LYZL4: variants seen among roughly 807,000 people sequenced by gnomAD.
LYZL4 encodes the protein lysozyme like 4.
A neutral mutation model predicts 17.6 loss-of-function variants in LYZL4; 13 were observed. That is an observed-to-expected ratio of 0.74 (90% CI 0.48 to 1.18). The LOEUF (loss-of-function observed/expected upper bound fraction) is 1.18. Ranked by LOEUF, LYZL4 falls within the 50% of genes most tolerant of loss-of-function variation. LYZL4 has a pLI of 0.00. For synonymous variants in LYZL4, 64 were observed against 67.7 expected (o/e 0.95, Z 0.27); for missense variants, 174 against 188.2 (o/e 0.92, Z 0.44).
At chr3:42,364,525 A>G in the LYZL4 span, among the ~76,000 whole-genome samples, 1 of 151,366 alleles carries the variant, frequency 6.6e-6, no homozygotes, top group African/African-American at 2.4e-5. Flanking sequence ...TTGTATTTTT[A>G]GTAGAGACGG....
the LYZL4 span, among the ~76,000 whole-genome samples, chr3:42,385,303 A>G: frequency 6.6e-6 from 1 of 152,188 alleles, no homozygotes; most frequent in African/African-American, 2.4e-5. Context: ...TAAGATTACA[A>G]TACCATATTT....
chr3:42,376,797 T>C, the LYZL4 span, among the ~76,000 whole-genome samples: 2 of 152,192 alleles, frequency 1.3e-5, no homozygotes, highest in Non-Finnish European at 2.9e-5. Context: ...GAATCCGGTT[T>C]CAAGGTCCCC....
chr3:42,373,579 G>T, the LYZL4 span, among the ~76,000 whole-genome samples: 1 of 152,144 alleles, frequency 6.6e-6, no homozygotes, highest in Non-Finnish European at 1.5e-5. Flanking sequence ...GTCCTTGGGG[G>T]AGAACCTTAA....
At chr3:42,401,096 T>C (rs1221682732) in intron 4 of LYZL4, among the ~76,000 whole-genome samples, 1 of 151,982 alleles carries the variant, frequency 6.6e-6, no homozygotes, top group Non-Finnish European at 1.5e-5. Context: ...ATTTAGCAAA[T>C]ACTGAATATG....
At chr3:42,401,391 T>G (rs1405640195) in intron 4 of LYZL4, among the ~76,000 whole-genome samples, 1 of 152,002 alleles carries the variant, frequency 6.6e-6, no homozygotes, top group Non-Finnish European at 1.5e-5. Flanking sequence ...TTGCATTTTT[T>G]TTTTAGTAGA....
At chr3:42,378,076 A>G in the LYZL4 span, among the ~76,000 whole-genome samples, 2 of 152,226 alleles carry the variant, frequency 1.3e-5, no homozygotes, top group African/African-American at 4.8e-5. Flanking sequence ...GGGCTCATCC[A>G]CACAGGATTC....
At chr3:42,373,474 A>G in the LYZL4 span, among the ~76,000 whole-genome samples, 1 of 152,058 alleles carries the variant, frequency 6.6e-6, no homozygotes. Context: ...AAGGGTTACT[A>G]TTTCACACAC....
chr3:42,363,761 A>G, the LYZL4 span, among the ~76,000 whole-genome samples: 2 of 152,198 alleles, frequency 1.3e-5, no homozygotes, highest in Non-Finnish European at 2.9e-5. Context: ...CAGCACTATG[A>G]AAATGGTTGA....
chr3:42,374,473 C>G, the LYZL4 span, among the ~76,000 whole-genome samples: 9,640 of 152,258 alleles, frequency 0.063, 962 homozygotes, highest in African/African-American at 0.21. Context: ...GTACTTTTCA[C>G]CCAGCTTTGG....
At chr3:42,364,622 G>A in the LYZL4 span, among the ~76,000 whole-genome samples, 1 of 152,028 alleles carries the variant, frequency 6.6e-6, no homozygotes, top group African/African-American at 2.4e-5. Flanking sequence ...TGGGATTACA[G>A]GCATGAGCCA....
Position 42,397,264 on chromosome 3 carries a change from G to A in LYZL4, c.*1C>T, listed in dbSNP as rs932049585. On this transcript the variant is annotated 3_prime_UTR_variant, in exon 5 of 5. Coordinates refer to ENST00000287748, the MANE Select transcript of LYZL4 (RefSeq NM_144634.4). ...GAGTGCTGCAGGGGCCATGCAGGTG[G>A]CTACAGCTTGCAACCATCCAGCCAC... The A allele has an allele frequency of 6.4e-7, 1 of 1,561,208 alleles. No homozygotes were observed. Among genetic ancestry groups the A allele is most frequent in the Non-Finnish European group, 8.7e-7 (1 of 1,151,812 alleles).
chr3:42,368,254 G>A, the LYZL4 span, among the ~76,000 whole-genome samples: 100 of 152,252 alleles, frequency 6.6e-4, no homozygotes, highest in East Asian at 0.014. Flanking sequence ...AATAGCTATC[G>A]GTCACAGATT....
the LYZL4 span, among the ~76,000 whole-genome samples, chr3:42,391,846 G>A: frequency 1.3e-5 from 2 of 151,784 alleles, no homozygotes; most frequent in South Asian, 2.1e-4. Flanking sequence ...CAGGGAGGGA[G>A]AAAGTGATAG....
chr3:42,386,288 G>C, the LYZL4 span, among the ~76,000 whole-genome samples: 1 of 151,634 alleles, frequency 6.6e-6, no homozygotes, highest in Non-Finnish European at 1.5e-5. Context: ...TTTTTAGTAG[G>C]GGCGGGGTTT....
At position 42,404,045 on chromosome 3, in the gene LYZL4, C is replaced by A. The variant is rs374260482; in HGVS notation, c.371+1G>T. On this transcript the variant is annotated splice_donor_variant, in intron 4 of 4. Transcript: ENST00000287748. LOFTEE classifies it high-confidence loss of function. ...AGGCTACATAAAAATGTAAGACTTA[C>A]CATGCTCCCATCCCTTCTTTTCCTT... 1.3e-6 allele frequency: 2 copies of A among 1,597,200 alleles called. No homozygotes were observed. Among genetic ancestry groups the A allele is most frequent in the African/African-American group, 2.7e-5 (2 of 74,508 alleles).
chr3:42,367,146 G>A, the LYZL4 span, among the ~76,000 whole-genome samples: 7 of 152,080 alleles, frequency 4.6e-5, no homozygotes, highest in Non-Finnish European at 8.8e-5. Context: ...CTGAAGCACC[G>A]GTTGCCTCGA....
the LYZL4 span, among the ~76,000 whole-genome samples, chr3:42,376,598 T>C: frequency 3.7e-4 from 56 of 152,350 alleles, 1 homozygote; most frequent in East Asian, 0.011. Flanking sequence ...TGAGCTTACA[T>C]GGCTGAGGGC....
intron 3 of LYZL4, 108 bp downstream of exon 3, chr3:42,406,738 A>T (rs1698761088): frequency 7.2e-6 from 10 of 1,398,216 alleles, no homozygotes; most frequent in Non-Finnish European, 9.8e-6. Context: ...CTCCTGCCAC[A>T]CCCTCTTCTT....
chr3:42,369,959 A>G, the LYZL4 span, among the ~76,000 whole-genome samples: 1 of 152,106 alleles, frequency 6.6e-6, no homozygotes, highest in African/African-American at 2.4e-5. Flanking sequence ...AGGTGGGAGG[A>G]CTGCTTGAGC....
Sources: allele counts gnomAD v4.1 joint callset (sites outside exome capture counted in the v4.1 genomes callset), GRCh38; gene constraint gnomAD v4.1.1; transcripts MANE v1.5; gene names NCBI Gene and HGNC (gene_info 2026-07-23, HGNC 2026-07-21).